IFT81: variants seen among roughly 807,000 people sequenced by gnomAD.
The protein encoded by IFT81 is intraflagellar transport protein 81 homolog.
IFT81 carries 72 observed loss-of-function variants against 102.6 expected under a neutral mutation model. The ratio of observed to expected loss-of-function variants is 0.70; its 90% CI spans 0.58 to 0.85. The LOEUF is 0.85. Among genes scored for constraint, IFT81 ranks in the 40% least tolerant of loss-of-function variants. IFT81 has a pLI of 0.00. For missense variants in IFT81, 723 were observed against 787.3 expected (o/e 0.92, Z 0.98); for synonymous variants, 237 against 242.7 (o/e 0.98, Z 0.22).
At chr12:110,150,504 A>G (rs1421548252) in intron 10 of IFT81, among the ~76,000 whole-genome samples, 1 of 152,202 alleles carries the variant, frequency 6.6e-6, no homozygotes, top group African/African-American at 2.4e-5. Flanking sequence ...ATTCAGGACT[A>G]CTTGGTTTTA....
At chr12:110,149,759 C>T (rs758618727) in intron 10 of IFT81, among the ~76,000 whole-genome samples, 57 of 152,324 alleles carry the variant, frequency 3.7e-4, no homozygotes, top group Non-Finnish European at 6.8e-4. Context: ...AGTCAGTGGC[C>T]TGCCAGTGCC....
At chr12:110,133,064 A>G (rs1352233851) in intron 5 of IFT81, among the ~76,000 whole-genome samples, 2 of 148,224 alleles carry the variant, frequency 1.3e-5, no homozygotes, top group Non-Finnish European at 3.0e-5. Flanking sequence ...TCGACATCCC[A>G]GGTTCAAATG....
chr12:110,208,134 T>C (rs1868922312), intron 17 of IFT81, among the ~76,000 whole-genome samples: 1 of 152,192 alleles, frequency 6.6e-6, no homozygotes, highest in Admixed American at 6.5e-5. Context: ...TATATATGTG[T>C]GTTAGTTAAT....
intron 8 of IFT81, among the ~76,000 whole-genome samples, chr12:110,138,888 G>C (rs1386601270): frequency 6.6e-6 from 1 of 152,114 alleles, no homozygotes; most frequent in Non-Finnish European, 1.5e-5. Context: ...ATTTACCCAG[G>C]ATTTTGAAAG....
chr12:110,141,253 G>T (rs1894871512), intron 8 of IFT81, among the ~76,000 whole-genome samples: 2 of 151,818 alleles, frequency 1.3e-5, no homozygotes, highest in South Asian at 4.2e-4. Context: ...GGTCAGGCTG[G>T]TCTCAAACTC....
intron 10 of IFT81, among the ~76,000 whole-genome samples, chr12:110,153,860 C>G (rs1371744585): frequency 6.6e-6 from 1 of 150,380 alleles, no homozygotes; most frequent in Non-Finnish European, 1.5e-5. Flanking sequence ...TCAGCTGATC[C>G]ACCTGCCTCG....
intron 14 of IFT81, among the ~76,000 whole-genome samples, chr12:110,199,611 TA>T (rs1409881525): frequency 6.6e-6 from 1 of 152,226 alleles, no homozygotes; most frequent in Non-Finnish European, 1.5e-5. Context: ...CCTAAGTACG[TA>T]GGCTCTGCAG....
In IFT81 at chr12:110,180,457, T is replaced by G; in HGVS notation, c.1224T>G (p.Ser408Arg). The G allele has an allele frequency of 6.2e-7, 1 of 1,608,798 alleles. No individual in the cohort carries two copies. The change falls in exon 12 of 19, where the codon AGT becomes AGG. Residue 408 changes from serine to arginine, a missense_variant. Coordinates refer to ENST00000242591, the MANE Select transcript of IFT81 (RefSeq NM_014055.4). Reference protein sequence around the residue: ...KRYVNKLRSKSTVFKKKHQII... With the variant: ...KRYVNKLRSKRTVFKKKHQII... ...ATGTCAATAAACTTCGAAGCAAGAG[T>G]ACAGTTTTCAAAAAGAAGCATCAGA...
chr12:110,163,403 G>C (rs1319785995), intron 11 of IFT81, among the ~76,000 whole-genome samples: 1 of 151,856 alleles, frequency 6.6e-6, no homozygotes, highest in Non-Finnish European at 1.5e-5. Context: ...AACATGCCCA[G>C]CTAATTTTTG....
chr12:110,180,126 C>T (rs1382796271), intron 11 of IFT81, among the ~76,000 whole-genome samples: 1 of 152,010 alleles, frequency 6.6e-6, no homozygotes, highest in African/African-American at 2.4e-5. Flanking sequence ...AAAATGATGG[C>T]AAACATTACA....
At chr12:110,159,846 G>A (rs1399072257) in intron 10 of IFT81, among the ~76,000 whole-genome samples, 1 of 152,172 alleles carries the variant, frequency 6.6e-6, no homozygotes, top group Non-Finnish European at 1.5e-5. Context: ...TGGAGGTGGG[G>A]GATGGGACCT....
At chr12:110,156,272 G>A (rs114005410) in intron 10 of IFT81, among the ~76,000 whole-genome samples, 481 of 152,250 alleles carry the variant, frequency 3.2e-3, no homozygotes, top group African/African-American at 0.01. Context: ...TTTACAGACC[G>A]TTGTTACACT....
chr12:110,147,740 C>T (rs1222643638), intron 10 of IFT81, among the ~76,000 whole-genome samples: 3 of 152,160 alleles, frequency 2.0e-5, no homozygotes, highest in African/African-American at 7.2e-5. Flanking sequence ...CCTCATGTGT[C>T]CCTGAGCTAC....
At chr12:110,186,203 C>T (rs1011932082) in intron 12 of IFT81, among the ~76,000 whole-genome samples, 1 of 152,050 alleles carries the variant, frequency 6.6e-6, no homozygotes, top group African/African-American at 2.4e-5. Flanking sequence ...TGTCTTCTGA[C>T]TTCCATTATT....
intron 18 of IFT81, chr12:110,216,585 T>C (rs769280261): frequency 6.6e-6 from 3 of 453,146 alleles, no homozygotes; most frequent in South Asian, 3.1e-5. Context: ...TGGCACAATC[T>C]TGGCTCACTC....
At chr12:110,148,553 G>A (rs1895351832) in intron 10 of IFT81, among the ~76,000 whole-genome samples, 1 of 151,420 alleles carries the variant, frequency 6.6e-6, no homozygotes. Context: ...TCGGCTCACT[G>A]CAACCTCCGC....
chr12:110,161,043 T>A (rs150423403), intron 10 of IFT81, among the ~76,000 whole-genome samples: 192 of 152,188 alleles, frequency 1.3e-3, no homozygotes, highest in Non-Finnish European at 2.2e-3. Context: ...GGGATGAAGT[T>A]TATATTTATT....
intron 12 of IFT81, among the ~76,000 whole-genome samples, chr12:110,184,663 A>T (rs140667236): frequency 6.7e-4 from 102 of 152,354 alleles, no homozygotes; most frequent in African/African-American, 2.4e-3. Flanking sequence ...GACACCTGTG[A>T]AAGGAAAGGG....
chr12:110,203,640 TA>T, intron 14 of IFT81: 1 of 521,620 alleles, frequency 1.9e-6, no homozygotes, highest in Non-Finnish European at 3.5e-6. Flanking sequence ...CCCCAGCTCC[TA>T]ACAAAGAACC....
Sources: allele counts gnomAD v4.1 joint callset (sites outside exome capture counted in the v4.1 genomes callset), GRCh38; gene constraint gnomAD v4.1.1; transcripts MANE v1.5; gene names NCBI Gene and HGNC (gene_info 2026-07-23, HGNC 2026-07-21).